Variants in DSCAM observed in about 807,000 individuals in gnomAD.
DSCAM encodes the protein DS cell adhesion molecule, also known as cell adhesion molecule DSCAM.
In DSCAM, 47 loss-of-function variants were observed where a neutral mutation model predicts 217.7. That is an observed-to-expected ratio of 0.22 (90% CI 0.17 to 0.28). The LOEUF is 0.28. Ranked by LOEUF, DSCAM falls within the 10% of genes least tolerant of loss-of-function variation. The pLI, the probability that DSCAM is intolerant of heterozygous loss-of-function variation, is 1.00. For synonymous variants in DSCAM, 1,056 were observed against 1,015.3 expected (o/e 1.04, Z -0.76); for missense variants, 2,080 against 2,618.3 (o/e 0.79, Z 4.49).
chr21:40,825,275 TTCCTTCC>T lies in DSCAM; in HGVS notation c.43+21337_43+21343del, dbSNP rs1281298845. On this transcript the variant is annotated intron_variant, in intron 1 of 32. Transcript: ENST00000400454. The stretch of plus-strand genomic sequence containing the variant: ...GTGAACATTTTCTTTCTTTCCTTCC[TTCCTTCC>T]TTCCTTCCTTCCTTCCTTCCTTCCT... Among the ~76,000 whole-genome samples, 14 of 103,986 alleles carry T rather than the reference TTCCTTCC, an allele frequency of 1.3e-4. No individual in the cohort carries two copies. In the East Asian group the frequency reaches 3.8e-3, roughly 28 times the overall value. The allele number at this position is 103,986 out of a possible 152,430, so 68.2% of individuals were successfully genotyped here. A position where few individuals can be genotyped will look rare whatever the true frequency, so the allele number is the denominator to read the frequency against.
At chr21:40,337,062 A>AAT (rs1302435931) in intron 8 of DSCAM, among the ~76,000 whole-genome samples, 1 of 152,200 alleles carries the variant, frequency 6.6e-6, no homozygotes, top group Non-Finnish European at 1.5e-5. Context: ...AATGTAATGC[A>AAT]ATATATATGC....
chr21:40,300,500 CCA>C (rs1419102854), intron 9 of DSCAM, among the ~76,000 whole-genome samples: 1 of 152,208 alleles, frequency 6.6e-6, no homozygotes, highest in Non-Finnish European at 1.5e-5. Context: ...AGCTCCACCT[CCA>C]CACACTTTGC....
At chr21:40,327,377 A>G (rs1401991263) in intron 8 of DSCAM, among the ~76,000 whole-genome samples, 1 of 152,184 alleles carries the variant, frequency 6.6e-6, no homozygotes, top group Non-Finnish European at 1.5e-5. Context: ...AAAGAATTGT[A>G]TTCTTATATG....
At chr21:40,597,364 C>T (rs999837887) in intron 3 of DSCAM, among the ~76,000 whole-genome samples, 6 of 149,762 alleles carry the variant, frequency 4.0e-5, no homozygotes, top group African/African-American at 1.2e-4. Flanking sequence ...GAAATGTCTC[C>T]TTTGTTGGTT....
intron 3 of DSCAM, among the ~76,000 whole-genome samples, chr21:40,561,286 C>G (rs1433777318): frequency 6.6e-6 from 1 of 152,150 alleles, no homozygotes; most frequent in African/African-American, 2.4e-5. Flanking sequence ...CCCAGCACCC[C>G]CTGGTGTTAA....
chr21:40,093,008 T>C (rs1312673819), intron 21 of DSCAM, among the ~76,000 whole-genome samples: 1 of 152,178 alleles, frequency 6.6e-6, no homozygotes, highest in African/African-American at 2.4e-5. Context: ...GAGAACATAT[T>C]AGTAATAAGT....
At chr21:40,497,124 G>C (rs1333530781) in intron 3 of DSCAM, among the ~76,000 whole-genome samples, 2 of 152,262 alleles carry the variant, frequency 1.3e-5, no homozygotes, top group East Asian at 3.9e-4. Context: ...ATATTATCCA[G>C]TAATTCCACT....
In DSCAM at chr21:40,464,423, G is replaced by A. The variant is rs150645195; in HGVS notation, c.509-95178C>T. On this transcript the variant is annotated intron_variant, in intron 3 of 32. Transcript: ENST00000400454. ...CAGAGGAAGGTAGAAACTGTTCACA[G>A]TCACTTAAATGTAAGGTTCCCAAAG... Among the ~76,000 whole-genome samples the A allele has an allele frequency of 6.8e-3, 1,030 of 152,322 alleles. 16 individuals carry two copies. The highest frequency in any genetic ancestry group is 0.023 in the African/African-American group (960 of 41,580).
chr21:40,712,809 C>CAGAGAGAGAG lies in DSCAM; in HGVS notation c.44-4048_44-4039dup, dbSNP rs142528775. Reference sequence around the variant, plus strand: ...GGAACTGACTGTATAGAAGTTGAGACAGAGAGAGAGAGAGAGAGAGAGAGA... The same window carrying CAGAGAGAGAG: ...GGAACTGACTGTATAGAAGTTGAGACAGAGAGAGAGAGAGAGAGAGAGAGAGAGAGAGAGA... On this transcript the variant is annotated intron_variant, in intron 1 of 32. Transcript: ENST00000400454. Among the ~76,000 whole-genome samples the CAGAGAGAGAG allele has an allele frequency of 3.5e-3, 517 of 149,040 alleles. 2 individuals carry two copies. The highest frequency in any genetic ancestry group is 0.012 in the African/African-American group (492 of 40,336).
At chr21:40,595,862 T>C (rs577856052) in intron 3 of DSCAM, among the ~76,000 whole-genome samples, 1 of 152,202 alleles carries the variant, frequency 6.6e-6, no homozygotes, top group Non-Finnish European at 1.5e-5. Flanking sequence ...TTAGGCAAAG[T>C]AAAAGTTTTG....
intron 3 of DSCAM, among the ~76,000 whole-genome samples, chr21:40,678,875 G>A (rs59927856): frequency 0.025 from 3,851 of 152,222 alleles, 111 homozygotes; most frequent in African/African-American, 0.071. Flanking sequence ...TGAAGGTCTC[G>A]GCATGTCAGC....
intron 3 of DSCAM, among the ~76,000 whole-genome samples, chr21:40,390,977 TAAAA>T (rs546578414): frequency 1.3e-3 from 193 of 152,212 alleles, no homozygotes; most frequent in African/African-American, 4.1e-3. Flanking sequence ...AAGCTTAAAA[TAAAA>T]GAAAGAAAAC....
At chr21:40,435,663 T>G (rs1050773042) in intron 3 of DSCAM, among the ~76,000 whole-genome samples, 9 of 152,234 alleles carry the variant, frequency 5.9e-5, no homozygotes, top group African/African-American at 9.6e-5. Flanking sequence ...TTGAATTGCT[T>G]TTGTACCTTT....
At chr21:40,087,390 A>G (rs1280159292) in intron 21 of DSCAM, 103 bp from the exon 22 acceptor site, 2 of 814,298 alleles carry the variant, frequency 2.5e-6, no homozygotes, top group Non-Finnish European at 4.2e-6. Context: ...AATGGATGTG[A>G]AGCCAATTCA....
intron 3 of DSCAM, among the ~76,000 whole-genome samples, chr21:40,541,545 T>C (rs977166773): frequency 6.6e-6 from 1 of 152,198 alleles, no homozygotes; most frequent in Non-Finnish European, 1.5e-5. Context: ...ATTAAAAGAA[T>C]AGAGGCCTTT....
chr21:40,077,453 C>G (rs917129287), intron 26 of DSCAM, among the ~76,000 whole-genome samples: 5 of 152,184 alleles, frequency 3.3e-5, no homozygotes, highest in African/African-American at 1.2e-4. Flanking sequence ...TCATTAGCTC[C>G]TGGTGGTCAT....
At chr21:40,456,207 T>C (rs552856550) in intron 3 of DSCAM, among the ~76,000 whole-genome samples, 3 of 152,110 alleles carry the variant, frequency 2.0e-5, no homozygotes, top group African/African-American at 4.8e-5. Flanking sequence ...GCCCTAAGAA[T>C]AGTTGATATT....
rs78236121 is a variant in DSCAM at position 40,069,709 on chromosome 21, T to C, written c.4888+5328A>G. 2.8e-3 allele frequency among the ~76,000 whole-genome samples: 430 copies of C among 152,330 alleles called. 2 individuals carry two copies. Among genetic ancestry groups the C allele is most frequent in the Non-Finnish European group, 4.2e-3 (289 of 68,026 alleles). Reference sequence around the variant, plus strand: ...TTACCATCCATCAAAAGGTTTTATTTGCAGCCTCTCCCTCAACAGTCCCTG... The same window carrying C: ...TTACCATCCATCAAAAGGTTTTATTCGCAGCCTCTCCCTCAACAGTCCCTG... On this transcript the variant is annotated intron_variant, in intron 27 of 32. Coordinates refer to ENST00000400454, the MANE Select transcript of DSCAM (RefSeq NM_001389.5).
chr21:40,701,078 T>C (rs2090651776), intron 2 of DSCAM, among the ~76,000 whole-genome samples: 1 of 152,192 alleles, frequency 6.6e-6, no homozygotes, highest in Non-Finnish European at 1.5e-5. Context: ...TAGAATTCAA[T>C]AGTGAAGCCA....
Sources: gnomAD v4.1 joint callset for allele counts (sites outside exome capture counted in the v4.1 genomes callset) on GRCh38, gnomAD v4.1.1 for gene constraint, MANE v1.5 for transcripts, NCBI Gene and HGNC (gene_info 2026-07-23, HGNC 2026-07-21) for gene names.